Variants in ZNHIT6 observed in about 807,000 individuals in gnomAD.
ZNHIT6 encodes box C/D snoRNA protein 1.
A neutral mutation model predicts 57.2 loss-of-function variants in ZNHIT6; 45 were observed. The observed-to-expected ratio is 0.79, with a 90% CI of 0.62 to 1.01. ZNHIT6 has a LOEUF of 1.01. ZNHIT6 is among the 50% of genes least tolerant of loss of function. The pLI, the probability that ZNHIT6 is intolerant of heterozygous loss-of-function variation, is 0.00. For missense variants in ZNHIT6, 528 were observed against 567.3 expected (o/e 0.93, Z 0.70); for synonymous variants, 188 against 190.0 (o/e 0.99, Z 0.09).
At chr1:85,694,892 TG>T (rs1662322651) in intron 5 of ZNHIT6, among the ~76,000 whole-genome samples, 1 of 152,176 alleles carries the variant, frequency 6.6e-6, no homozygotes, top group Non-Finnish European at 1.5e-5. Context: ...TAAAGACTTC[TG>T]GGGTGCTGGT....
chr1:85,700,617 A>G (rs1662503961), intron 5 of ZNHIT6, among the ~76,000 whole-genome samples: 1 of 152,180 alleles, frequency 6.6e-6, no homozygotes, highest in African/African-American at 2.4e-5. Flanking sequence ...ACTGAGAACT[A>G]ATCTCTGATT....
At chr1:85,660,032 T>C (rs1661181308) in intron 8 of ZNHIT6, among the ~76,000 whole-genome samples, 1 of 152,246 alleles carries the variant, frequency 6.6e-6, no homozygotes, top group Non-Finnish European at 1.5e-5. Flanking sequence ...TACAATACTT[T>C]AAAAGTGTTT....
At chr1:85,655,203 C>G (rs1661028453) in intron 9 of ZNHIT6, among the ~76,000 whole-genome samples, 1 of 152,180 alleles carries the variant, frequency 6.6e-6, no homozygotes, top group African/African-American at 2.4e-5. Context: ...TGTCTCTGTA[C>G]TTCAGGTAAA....
At chr1:85,702,134 A>G (rs746230720) in intron 5 of ZNHIT6, 23 bp downstream of exon 5, 2 of 1,476,960 alleles carry the variant, frequency 1.4e-6, no homozygotes, top group South Asian at 2.4e-5. Flanking sequence ...AATACCTGAT[A>G]TACTAAAAAG....
chr1:85,659,452 A>G (rs1221894226), intron 8 of ZNHIT6, among the ~76,000 whole-genome samples: 1 of 152,244 alleles, frequency 6.6e-6, no homozygotes, highest in East Asian at 1.9e-4. Context: ...ATGACAGGTG[A>G]TATTCACATG....
intron 4 of ZNHIT6, among the ~76,000 whole-genome samples, chr1:85,704,568 C>A (rs765472252): frequency 3.3e-5 from 5 of 151,662 alleles, no homozygotes; most frequent in Non-Finnish European, 7.4e-5. Context: ...CTGTGTATTT[C>A]CATTTTGTGA....
chr1:85,686,327 C>A (rs777717799), intron 5 of ZNHIT6, among the ~76,000 whole-genome samples: 22 of 152,008 alleles, frequency 1.4e-4, no homozygotes, highest in African/African-American at 2.2e-4. Flanking sequence ...TTCTCTTTTG[C>A]CCCCTTTGAG....
At chr1:85,656,729 G>A (rs1255811872) in intron 9 of ZNHIT6, among the ~76,000 whole-genome samples, 2 of 151,994 alleles carry the variant, frequency 1.3e-5, no homozygotes, top group Non-Finnish European at 2.9e-5. Context: ...AAGATTTAGA[G>A]GCCCATAATT....
Position 85,701,960 on chromosome 1 carries a change from ACACACG to A in ZNHIT6, c.1019+191_1019+196del, listed in dbSNP as rs1332467492. Reference sequence around the variant, plus strand: ...TATGAAGACACACACACACACACACACACACGCACACACTGCAAACCCAAATTTTTA... The same window carrying A: ...TATGAAGACACACACACACACACACACACACACTGCAAACCCAAATTTTTA... On this transcript the variant is annotated intron_variant, in intron 5 of 9. Coordinates refer to ENST00000370574, the MANE Select transcript of ZNHIT6 (RefSeq NM_017953.4). Among the ~76,000 whole-genome samples, 433 of 150,704 alleles carry A rather than the reference ACACACG, an allele frequency of 2.9e-3. 2 individuals carry two copies. Among genetic ancestry groups the A allele is most frequent in the African/African-American group, 0.011 (425 of 40,202 alleles).
intron 9 of ZNHIT6, among the ~76,000 whole-genome samples, chr1:85,656,493 G>A (rs1557831113): frequency 6.6e-6 from 1 of 152,126 alleles, no homozygotes. Flanking sequence ...AGCTGTGTGT[G>A]CTGTTTATTT....
chr1:85,655,887 T>G lies in ZNHIT6; in HGVS notation c.1373-1789A>C, dbSNP rs918561454. Among the ~76,000 whole-genome samples the G allele has an allele frequency of 2.0e-5, 3 of 152,252 alleles. No homozygotes were observed. In the East Asian group the frequency reaches 5.8e-4, roughly 29 times the overall value. ...AGGCAGACTCAAATAATTATGGCAA[T>G]CTACAATCATAACAAATATTAGAAC... On this transcript the variant is annotated intron_variant, in intron 9 of 9. Transcript: ENST00000370574.
At chr1:85,701,200 AATG>A (rs1293914844) in intron 5 of ZNHIT6, among the ~76,000 whole-genome samples, 2 of 152,238 alleles carry the variant, frequency 1.3e-5, no homozygotes, top group Admixed American at 6.5e-5. Flanking sequence ...TCACTAGAAT[AATG>A]ATAATTCTGA....
chr1:85,676,336 CAAA>C (rs754000429), intron 8 of ZNHIT6, among the ~76,000 whole-genome samples: 6 of 54,418 alleles, frequency 1.1e-4, no homozygotes, highest in African/African-American at 1.4e-4. Flanking sequence ...AACTCCGTCT[CAAA>C]AAAAAAAAAA....
intron 5 of ZNHIT6, among the ~76,000 whole-genome samples, chr1:85,696,922 G>A (rs558527949): frequency 2.7e-5 from 4 of 147,496 alleles, no homozygotes; most frequent in East Asian, 2.0e-4. Context: ...GTGCAGTGGC[G>A]CAATCTCGGC....
intron 5 of ZNHIT6, among the ~76,000 whole-genome samples, chr1:85,686,475 C>A (rs975534949): frequency 6.6e-6 from 1 of 152,064 alleles, no homozygotes; most frequent in East Asian, 1.9e-4. Flanking sequence ...CAAACGGAGG[C>A]TAAACTCAAA....
At chr1:85,705,257 A>G (rs1176561192) in intron 4 of ZNHIT6, among the ~76,000 whole-genome samples, 1 of 152,098 alleles carries the variant, frequency 6.6e-6, no homozygotes, top group Non-Finnish European at 1.5e-5. Flanking sequence ...TCTGTTGCCC[A>G]GGCTGGAGTG....
intron 8 of ZNHIT6, among the ~76,000 whole-genome samples, chr1:85,659,144 T>C (rs1399320049): frequency 1.3e-5 from 2 of 152,328 alleles, no homozygotes; most frequent in African/African-American, 4.8e-5. Context: ...TATCGTGACA[T>C]AGCTGCCAAA....
intron 8 of ZNHIT6, among the ~76,000 whole-genome samples, chr1:85,676,336 CAAAAAAAAA>C: frequency 1.8e-5 from 1 of 54,454 alleles, no homozygotes; most frequent in South Asian, 5.6e-4. Context: ...AACTCCGTCT[CAAAAAAAAA>C]AAAAAAAAAA....
rs371670836 is a variant in ZNHIT6, at chr1:85,652,140, G to T, written c.*1918C>A. The T allele has an allele frequency of 6.6e-6, 1 of 152,080 alleles. No homozygotes were observed. Among genetic ancestry groups the T allele is most frequent in the African/African-American group, 2.4e-5 (1 of 41,422 alleles). The allele number at this position is 152,080 out of a possible 1,614,324, so 9.4% of individuals were successfully genotyped here. On this transcript the variant is annotated 3_prime_UTR_variant, in exon 10 of 10. Coordinates refer to ENST00000370574, the MANE Select transcript of ZNHIT6 (RefSeq NM_017953.4). ...CCAGGTTTCAATTTAAATTCAGAAG[G>T]GGGGATGGAACTCAAGACTTTTCTT...
Sources: gnomAD v4.1 joint callset for allele counts (sites outside exome capture counted in the v4.1 genomes callset) on GRCh38, gnomAD v4.1.1 for gene constraint, MANE v1.5 for transcripts, NCBI Gene and HGNC (gene_info 2026-07-23, HGNC 2026-07-21) for gene names.